MED16: variants seen among roughly 807,000 people sequenced by gnomAD.
MED16 encodes the protein mediator of RNA polymerase II transcription subunit 16.
MED16 carries 81 observed loss-of-function variants against 84.4 expected under a neutral mutation model. The ratio of observed to expected loss-of-function variants is 0.96; its 90% CI spans 0.80 to 1.15. The LOEUF (loss-of-function observed/expected upper bound fraction) is 1.15. MED16 is among the 50% of genes most tolerant of loss of function. The pLI is 0.00. For missense variants in MED16, 1,585 were observed against 1,245.9 expected (o/e 1.27, Z -4.10); for synonymous variants, 897 against 552.2 (o/e 1.62, Z -8.76).
rs199606023 is a variant in MED16 at position 868,262 on chromosome 19, G to A, written c.2484-11C>T. ...CGGCCTTCAACAGCCCTGCAGGGCG[G>A]GCTGAGGTTAACCGCGCCGAGGAGA... is the stretch of plus-strand genomic sequence containing the variant. On this transcript the variant is annotated splice_polypyrimidine_tract_variant and intron_variant, in intron 15 of 15. Transcript: ENST00000325464. 8 of 1,593,276 alleles carry A rather than the reference G, an allele frequency of 5.0e-6. No individual in the cohort carries two copies. The African/African-American group carries it at 9.4e-5, about 19-fold the overall frequency.
In MED16 at chr19:885,636, CCCGGGAGGGA is replaced by C. The variant is rs1331358711; in HGVS notation, c.879+124_879+133del. 21 of 1,078,810 alleles carry C rather than the reference CCCGGGAGGGA, an allele frequency of 1.9e-5. No individual in the cohort carries two copies. The East Asian group carries it at 4.9e-4, about 25-fold the overall frequency. 66.8% of individuals were successfully genotyped at this position (1,078,810 alleles called of 1,614,324 possible). A position where few individuals can be genotyped will look rare whatever the true frequency, so the allele number is the denominator to read the frequency against. ...AGAAAATGGGTTCTCCCCTGGAGCC[CCCGGGAGGGA>C]CCGGCCCTGCCCACACCACGGTTTA... On this transcript the variant is annotated intron_variant, in intron 5 of 15. Coordinates refer to ENST00000325464, the MANE Select transcript of MED16 (RefSeq NM_005481.3).
At chr19:881,468 T>G (rs2036421544) in intron 7 of MED16, 91 bp downstream of exon 7, 8 of 1,448,878 alleles carry the variant, frequency 5.5e-6, no homozygotes, top group South Asian at 2.6e-5. Context: ...TCCTCTGGTG[T>G]GAGCTCCCAC....
chr19:884,588 C>G (rs137926861), intron 6 of MED16, among the ~76,000 whole-genome samples: 5 of 152,220 alleles, frequency 3.3e-5, no homozygotes, highest in Non-Finnish European at 5.9e-5. Context: ...CAGCCGCCCA[C>G]ACGCCTGCAG....
intron 8 of MED16, among the ~76,000 whole-genome samples, chr19:878,653 A>C (rs1440804280): frequency 1.5e-4 from 16 of 108,914 alleles, no homozygotes; most frequent in East Asian, 3.1e-4. Context: ...CCAGCAGCTC[A>C]CCTTCCCCTG....
Position 871,941 on chromosome 19 carries a change from T to TGGTGAGCAGGCG in MED16, c.2071_2082dup (p.Arg691_Thr694dup). The TGGTGAGCAGGCG allele has an allele frequency of 6.4e-7, 1 of 1,557,706 alleles. No individual in the cohort carries two copies. Among genetic ancestry groups the TGGTGAGCAGGCG allele is most frequent in the Non-Finnish European group, 8.7e-7 (1 of 1,155,506 alleles). Reference sequence around the variant, plus strand: ...GGTGCCTCACAGCAGATCCAGAGCTTGGTGAGCAGGCGGAAGAGCAGGGAC... The same window carrying TGGTGAGCAGGCG: ...GGTGCCTCACAGCAGATCCAGAGCTTGGTGAGCAGGCGGGTGAGCAGGCGGAAGAGCAGGGAC... On this transcript the variant is annotated inframe_insertion, in exon 12 of 16. Transcript: ENST00000325464.
intron 14 of MED16, 149 bp downstream of exon 14, chr19:868,714 A>G: frequency 9.4e-7 from 1 of 1,068,578 alleles, no homozygotes; most frequent in Non-Finnish European, 1.3e-6. Context: ...TAACTGCTCC[A>G]CATCCTGGGA....
At position 885,008 on chromosome 19, in the gene MED16, C is replaced by T. The variant is rs773452253; in HGVS notation, c.880G>A (p.Val294Met). 2.5e-6 allele frequency: 4 copies of T among 1,594,690 alleles called. No homozygotes were observed. In the Admixed American group the frequency reaches 5.1e-5, roughly 21 times the overall value. ...GTCTGGCTGGACGCGCACAAAAGCA[C>T]CTGCGGGGGAGGTGGGGGTGAGGGC... ...KFLARDMSEQ[V>M]LLCASSQTSS... The change falls in exon 6 of 16, where the codon GTG (valine) becomes ATG (methionine). Residue 294 changes from valine (V) to methionine (M), a missense_variant and splice_region_variant. Coordinates refer to ENST00000325464, the MANE Select transcript of MED16 (RefSeq NM_005481.3).
chr19:884,317 G>A (rs1312010828), intron 6 of MED16, among the ~76,000 whole-genome samples: 1 of 152,162 alleles, frequency 6.6e-6, no homozygotes, highest in Non-Finnish European at 1.5e-5. Context: ...CCAGGATTTT[G>A]TGCCGGAGGT....
In MED16 at chr19:873,325, AGGGGCGGG is replaced by A. The variant is rs2036142315; in HGVS notation, c.1905+116_1905+123del. On this transcript the variant is annotated intron_variant, in intron 11 of 15. Coordinates refer to ENST00000325464, the MANE Select transcript of MED16 (RefSeq NM_005481.3). ...TCCAAGTAGGGGCGGGACTCCAAGT[AGGGGCGGG>A]ACTCCAACTAGGGGCGGGGCTGAGG... The A allele has an allele frequency of 4.4e-5, 10 of 226,774 alleles. 1 individual carries two copies. In the East Asian group the frequency reaches 1.2e-3, roughly 27 times the overall value. 14.0% of individuals were successfully genotyped at this position (226,774 alleles called of 1,614,324 possible).
chr19:872,577 C>G (rs1437269544), intron 11 of MED16, among the ~76,000 whole-genome samples: 1 of 144,106 alleles, frequency 6.9e-6, no homozygotes, highest in Non-Finnish European at 1.5e-5. Context: ...TGGAGAAGGG[C>G]GGGCCCCAGG....
intron 9 of MED16, 60 bp downstream of exon 9, chr19:876,914 G>T (rs1278496847): frequency 3.3e-6 from 5 of 1,492,750 alleles, no homozygotes; most frequent in Non-Finnish European, 4.5e-6. Context: ...CTGCCACGGG[G>T]CCCCCACCTG....
intron 13 of MED16, among the ~76,000 whole-genome samples, chr19:870,455 G>A (rs542354621): frequency 1.3e-5 from 2 of 152,078 alleles, no homozygotes; most frequent in South Asian, 2.1e-4. Flanking sequence ...CAGCTACTGG[G>A]AAGGCTGAGG....
chr19:879,070 AGCCCCAGCCCCACG>A (rs2036345049), intron 8 of MED16, among the ~76,000 whole-genome samples: 3 of 61,596 alleles, frequency 4.9e-5, no homozygotes, highest in African/African-American at 1.3e-4. Context: ...CACCAGCCCC[AGCCCCAGCCCCACG>A]TGCCCCAGCA....
intron 11 of MED16, 47 bp from the exon 12 acceptor site, chr19:872,165 G>A (rs745332883): frequency 2.0e-5 from 30 of 1,531,468 alleles, no homozygotes; most frequent in East Asian, 9.3e-5. Flanking sequence ...GGGGGCAGAT[G>A]GCGATGGGAT....
rs1038088102 is a variant in MED16 at position 880,115 on chromosome 19, T to C, written c.1175A>G (p.His392Arg). Residue 392 changes from histidine (H) to arginine (R), a missense_variant, in exon 8 of 16, where the codon CAC becomes CGC. Coordinates refer to ENST00000325464, the MANE Select transcript of MED16 (RefSeq NM_005481.3). The part of the protein sequence containing the change: ...LALAFHDGSV[H>R]IVHRLSLQTM... ...CTGCAGTGAGAGCCGGTGCACGATG[T>C]GGACGCTGCCGTCGTGGAAGGCCAG... The C allele has an allele frequency of 2.5e-6, 4 of 1,610,196 alleles. No homozygotes were observed. Among genetic ancestry groups the C allele is most frequent in the South Asian group, 1.1e-5 (1 of 90,798 alleles).
Position 871,167 on chromosome 19 carries a change from G to A in MED16, c.2185C>T (p.Leu729=), listed in dbSNP as rs751147997. ...CCGTCGCTGGCTGGCAGCCAGTCCA[G>A]GCTGGGGATAAGCAGCTGGCTGGGC... ...LLPSQLLIPS[L]DWLPASDGLV... The change falls in exon 13 of 16, where the codon CTG becomes TTG. Residue 729 remains leucine (L), a synonymous_variant. Transcript: ENST00000325464. 19 of 1,548,834 alleles carry A rather than the reference G, an allele frequency of 1.2e-5. No individual in the cohort carries two copies. In the Admixed American group the frequency reaches 1.8e-4, roughly 14 times the overall value.
rs562763547 is a variant in MED16, at chr19:868,030, G to A, written c.*71C>T. On this transcript the variant is annotated 3_prime_UTR_variant, in exon 16 of 16. Transcript: ENST00000325464. ...TGCTTGTCCAGGTTCAGCGCTCTCC[G>A]CGGGTGAGGCAAGGAAACCGAGGAG... is the stretch of plus-strand genomic sequence containing the variant. 6.4e-5 allele frequency: 98 copies of A among 1,522,238 alleles called. No individual in the cohort carries two copies. The highest frequency in any genetic ancestry group is 3.6e-4 in the Admixed American group (17 of 46,678). 94.3% of individuals were successfully genotyped at this position (1,522,238 alleles called of 1,614,324 possible).
At chr19:891,380 G>A (rs1260100756) in intron 1 of MED16, among the ~76,000 whole-genome samples, 1 of 152,210 alleles carries the variant, frequency 6.6e-6, no homozygotes, top group Non-Finnish European at 1.5e-5. Context: ...AGCCCGGGAG[G>A]GCTGGGACCT....
intron 11 of MED16, 145 bp from the exon 12 acceptor site, chr19:872,263 G>C: frequency 3.1e-6 from 2 of 647,496 alleles, no homozygotes; most frequent in Non-Finnish European, 5.1e-6. Flanking sequence ...GGGTGCTTCT[G>C]GCACCGAGTG....
Sources: gnomAD v4.1 joint callset for allele counts (sites outside exome capture counted in the v4.1 genomes callset) on GRCh38, gnomAD v4.1.1 for gene constraint, MANE v1.5 for transcripts, NCBI Gene and HGNC (gene_info 2026-07-23, HGNC 2026-07-21) for gene names.